SMOC2: variants seen among roughly 807,000 people sequenced by gnomAD.
SMOC2 encodes SPARC-related modular calcium-binding protein 2.
SMOC2 carries 39 observed loss-of-function variants against 61.4 expected under a neutral mutation model. The ratio of observed to expected loss-of-function variants is 0.64; its 90% CI spans 0.49 to 0.83. The LOEUF is 0.83. Ranked by LOEUF, SMOC2 falls within the 40% of genes least tolerant of loss-of-function variation. SMOC2 has a pLI of 0.00. For missense variants in SMOC2, 556 were observed against 592.9 expected (o/e 0.94, Z 0.65); for synonymous variants, 247 against 239.9 (o/e 1.03, Z -0.27).
At chr6:168,542,339 A>G (rs775672498) in intron 4 of SMOC2, among the ~76,000 whole-genome samples, 1 of 152,250 alleles carries the variant, frequency 6.6e-6, no homozygotes, top group Non-Finnish European at 1.5e-5. Context: ...ACAATGTAAT[A>G]TGTAACCAAA....
intron 1 of SMOC2, among the ~76,000 whole-genome samples, chr6:168,460,233 C>T (rs1781690115): frequency 2.0e-5 from 3 of 152,070 alleles, no homozygotes; most frequent in African/African-American, 4.8e-5. Context: ...TCCCCTAGAC[C>T]CCAGTCCTCC....
At chr6:168,489,556 C>A (rs977268614) in intron 1 of SMOC2, among the ~76,000 whole-genome samples, 10 of 146,080 alleles carry the variant, frequency 6.8e-5, no homozygotes, top group African/African-American at 2.6e-4. Context: ...TATATCAAAT[C>A]GTCTGGGTCC....
intron 9 of SMOC2, among the ~76,000 whole-genome samples, chr6:168,639,213 T>C (rs907466005): frequency 2.6e-5 from 4 of 152,184 alleles, no homozygotes; most frequent in African/African-American, 9.7e-5. Context: ...GTGGCATGTG[T>C]AGATGTAAAG....
chr6:168,487,253 G>A (rs554066079), intron 1 of SMOC2, among the ~76,000 whole-genome samples: 30 of 152,250 alleles, frequency 2.0e-4, no homozygotes, highest in Middle Eastern at 3.4e-3. Context: ...CTGCGGATGG[G>A]GAAAGCTCCA....
intron 1 of SMOC2, among the ~76,000 whole-genome samples, chr6:168,446,085 G>A (rs530208431): frequency 1.2e-4 from 18 of 152,212 alleles, no homozygotes; most frequent in East Asian, 1.9e-4. Flanking sequence ...AAACTGGGCC[G>A]GGCGCAGTGG....
chr6:168,449,428 CAA>C (rs1396586560), intron 1 of SMOC2, among the ~76,000 whole-genome samples: 2 of 152,014 alleles, frequency 1.3e-5, no homozygotes, highest in Non-Finnish European at 2.9e-5. Flanking sequence ...TTTCAAATAA[CAA>C]AGGAAATTCC....
chr6:168,527,732 G>C lies in SMOC2; in HGVS notation c.463+5G>C. ...ACAAGACGCCCCGGTGCCCGGGTAG[G>C]TCTGACGTGCCTTTCCAAGTGGAAG... On this transcript the variant is annotated splice_donor_5th_base_variant and intron_variant, in intron 4 of 12. Coordinates refer to ENST00000356284, the MANE Select transcript of SMOC2 (RefSeq NM_001166412.2). 6.5e-7 allele frequency: 1 copy of C among 1,544,742 alleles called. No individual in the cohort carries two copies. The highest frequency in any genetic ancestry group is 1.4e-5 in the African/African-American group (1 of 73,090).
At chr6:168,498,877 C>G (rs9456142) in intron 1 of SMOC2, among the ~76,000 whole-genome samples, 44 of 116,054 alleles carry the variant, frequency 3.8e-4, no homozygotes, top group East Asian at 2.8e-3. Flanking sequence ...CTACGAGCCA[C>G]AGTCTCTGGG....
intron 7 of SMOC2, among the ~76,000 whole-genome samples, chr6:168,588,672 C>G (rs1785102797): frequency 6.6e-6 from 1 of 152,196 alleles, no homozygotes; most frequent in Admixed American, 6.5e-5. Flanking sequence ...TGAGACTTAA[C>G]CGTATTTATT....
chr6:168,651,246 G>A (rs919829404), intron 10 of SMOC2, among the ~76,000 whole-genome samples: 6 of 152,236 alleles, frequency 3.9e-5, no homozygotes, highest in Non-Finnish European at 7.3e-5. Context: ...TTTCAGGCAT[G>A]TGATTCAGTT....
chr6:168,664,340 T>A, intron 12 of SMOC2: 3 of 581,108 alleles, frequency 5.2e-6, no homozygotes, highest in Non-Finnish European at 9.2e-6. Context: ...TATTTGAACT[T>A]TCATTTATTA....
chr6:168,614,288 A>AT (rs2115216708), intron 9 of SMOC2, among the ~76,000 whole-genome samples: 1 of 63,090 alleles, frequency 1.6e-5, no homozygotes, highest in Non-Finnish European at 3.1e-5. Context: ...CAGCCAGCAC[A>AT]GGGCCTCTTC....
chr6:168,444,143 A>G (rs767157943), intron 1 of SMOC2, among the ~76,000 whole-genome samples: 1 of 152,232 alleles, frequency 6.6e-6, no homozygotes, highest in Non-Finnish European at 1.5e-5. Context: ...TTCTCAGAGC[A>G]CACCACTTGG....
chr6:168,463,118 G>T (rs1158477062), intron 1 of SMOC2, among the ~76,000 whole-genome samples: 1 of 152,206 alleles, frequency 6.6e-6, no homozygotes, highest in Non-Finnish European at 1.5e-5. Flanking sequence ...GGTGTGACAG[G>T]GGCTCTGCTC....
chr6:168,592,317 C>A (rs902558668), intron 7 of SMOC2, among the ~76,000 whole-genome samples: 1 of 147,516 alleles, frequency 6.8e-6, no homozygotes, highest in Non-Finnish European at 1.5e-5. Context: ...TGAGGCCTCA[C>A]GGGCGTCTTT....
At position 168,666,613 on chromosome 6, in the gene SMOC2, G is replaced by C; in HGVS notation, c.*175G>C. The stretch of plus-strand genomic sequence containing the variant: ...CTGTTTTAATCTGTGAAAATGGAGA[G>C]CTGGCTTCAGAAAATTAATCACATA... On this transcript the variant is annotated 3_prime_UTR_variant, in exon 13 of 13. Transcript: ENST00000356284. 1 of 697,136 alleles carries C rather than the reference G, an allele frequency of 1.4e-6. No individual in the cohort carries two copies. Among genetic ancestry groups the C allele is most frequent in the Non-Finnish European group, 2.4e-6 (1 of 410,698 alleles). 43.2% of individuals were successfully genotyped at this position (697,136 alleles called of 1,614,324 possible).
At chr6:168,625,906 G>A (rs762651409) in intron 9 of SMOC2, among the ~76,000 whole-genome samples, 2 of 152,220 alleles carry the variant, frequency 1.3e-5, no homozygotes, top group African/African-American at 2.4e-5. Flanking sequence ...AGGAGGAAGC[G>A]AATTCCGTGG....
intron 9 of SMOC2, among the ~76,000 whole-genome samples, chr6:168,614,823 A>G (rs796444397): frequency 2.6e-4 from 9 of 35,204 alleles, no homozygotes; most frequent in East Asian, 1.1e-3. Context: ...ACCTACAGCC[A>G]GCACAGGGCC....
intron 2 of SMOC2, among the ~76,000 whole-genome samples, chr6:168,517,191 G>A (rs1244148911): frequency 6.6e-6 from 1 of 151,934 alleles, no homozygotes; most frequent in African/African-American, 2.4e-5. Context: ...CAGCTGTGAG[G>A]CCTCGCTCTG....
Sources: gnomAD v4.1 joint callset for allele counts (sites outside exome capture counted in the v4.1 genomes callset) on GRCh38, gnomAD v4.1.1 for gene constraint, MANE v1.5 for transcripts, NCBI Gene and HGNC (gene_info 2026-07-23, HGNC 2026-07-21) for gene names.